Variants in XKR3 observed in about 807,000 individuals in gnomAD.
XKR3 encodes the protein XK-related protein 3.
XKR3 carries 27 observed loss-of-function variants against 40.3 expected under a neutral mutation model. The observed-to-expected ratio is 0.67, with a 90% confidence interval of 0.49 to 0.92. The LOEUF (loss-of-function observed/expected upper bound fraction) is 0.92. Among genes scored for constraint, XKR3 ranks in the 40% least tolerant of loss-of-function variants. The probability of loss-of-function intolerance (pLI) is 0.00; values close to 1 mark genes in which losing one functional copy is unlikely to be tolerated. For missense variants in XKR3, 472 were observed against 537.6 expected, an observed-to-expected ratio of 0.88 and a Z score of 1.21; for synonymous variants, 193 against 195.4, an observed-to-expected ratio of 0.99 and a Z score of 0.10.
chr22:16,824,245 C>A (rs911890204), intron 1 of XKR3, among the ~76,000 whole-genome samples: 1 of 151,934 alleles, frequency 6.6e-6, no homozygotes, highest in African/African-American at 2.4e-5. Flanking sequence ...CTACGAGGAA[C>A]GGGCATGTAA....
At chr22:16,809,541 G>A (rs1356205051) in intron 1 of XKR3, among the ~76,000 whole-genome samples, 1 of 152,018 alleles carries the variant, frequency 6.6e-6, no homozygotes. Context: ...TCCCACAACA[G>A]TGAAGTCACA....
chr22:16,820,909 C>T (rs1195379421), intron 1 of XKR3, among the ~76,000 whole-genome samples: 1 of 152,102 alleles, frequency 6.6e-6, no homozygotes, highest in Non-Finnish European at 1.5e-5. Flanking sequence ...AGTTATAACT[C>T]CTTCATGAAT....
chr22:16,804,295 CT>C (rs1362625744), intron 2 of XKR3, among the ~76,000 whole-genome samples: 1 of 152,136 alleles, frequency 6.6e-6, no homozygotes, highest in African/African-American at 2.4e-5. Context: ...ACCATAAATT[CT>C]CATCAGATGG....
intron 2 of XKR3, among the ~76,000 whole-genome samples, chr22:16,805,198 CA>C (rs538635354): frequency 1.3e-5 from 2 of 151,868 alleles, no homozygotes; most frequent in Admixed American, 1.3e-4. Flanking sequence ...GGAATCCACA[CA>C]AAAAAACATT....
At chr22:16,803,158 C>T (rs1320739114) in intron 2 of XKR3, among the ~76,000 whole-genome samples, 1 of 151,940 alleles carries the variant, frequency 6.6e-6, no homozygotes, top group Admixed American at 6.6e-5. Flanking sequence ...CATAAATTAC[C>T]TTTCCACTTT....
chr22:16,817,881 C>T (rs2060240247), intron 1 of XKR3, among the ~76,000 whole-genome samples: 1 of 152,040 alleles, frequency 6.6e-6, no homozygotes, highest in Non-Finnish European at 1.5e-5. Context: ...TGTTACTTAA[C>T]AAATAAAACC....
chr22:16,784,635 A>G (rs1245130092), intron 3 of XKR3, among the ~76,000 whole-genome samples: 12 of 152,262 alleles, frequency 7.9e-5, no homozygotes, highest in Admixed American at 7.8e-4. Flanking sequence ...ATAAGCAAAT[A>G]CATACATATC....
In XKR3 at chr22:16,825,326, G is replaced by A. The variant is rs966653124; in HGVS notation, c.-46C>T. ...TGCCACCCTCACAGTTTTGAAACTC[G>A]TTCAAAAAGTAAATGCTTTTGTTCA... On this transcript the variant is annotated 5_prime_UTR_variant, in exon 1 of 4. The change creates a new upstream start codon in the 5' untranslated region. Coordinates refer to ENST00000684488, the MANE Select transcript of XKR3 (RefSeq NM_001386955.1). Among the ~76,000 whole-genome samples the A allele has an allele frequency of 6.6e-6, 1 of 152,146 alleles. No individual in the cohort carries two copies. Among genetic ancestry groups the A allele is most frequent in the Admixed American group, 6.5e-5 (1 of 15,274 alleles).
chr22:16,814,864 T>G (rs2060226826), intron 1 of XKR3, among the ~76,000 whole-genome samples: 1 of 152,100 alleles, frequency 6.6e-6, no homozygotes, highest in African/African-American at 2.4e-5. Flanking sequence ...ATCAGAATTT[T>G]TTGTATACAA....
Position 16,783,917 on chromosome 22 carries a change from AC to A in XKR3, c.1081del (p.Val361TyrfsTer11). On this transcript the variant is annotated frameshift_variant, in exon 4 of 4. Transcript: ENST00000684488. LOFTEE classifies it high-confidence loss of function. Reference sequence around the variant, plus strand: ...AGTTTTCCCTCCAAAGAACCTAAATACCAATATCATTATCACATTTTCTAAA... The same window carrying A: ...AGTTTTCCCTCCAAAGAACCTAAATACAATATCATTATCACATTTTCTAAA... ...QFLENVIMIL[V>X]FRFFGGKTLL... 6.2e-7 allele frequency: 1 copy of A among 1,614,190 alleles called. No individual in the cohort carries two copies. The highest frequency in any genetic ancestry group is 8.5e-7 in the Non-Finnish European group (1 of 1,180,042).
In XKR3 at chr22:16,783,551, T is replaced by G; in HGVS notation, c.*68A>C. On this transcript the variant is annotated 3_prime_UTR_variant, in exon 4 of 4. Coordinates refer to ENST00000684488, the MANE Select transcript of XKR3 (RefSeq NM_001386955.1). ...TTTTGCTGTGTATATTTTTTAAATT[T>G]AAGAGCCTCTTAACAAGTCACATTC... 7.8e-7 allele frequency: 1 copy of G among 1,278,350 alleles called. No homozygotes were observed. The highest frequency in any genetic ancestry group is 1.0e-6 in the Non-Finnish European group (1 of 958,724). 79.2% of individuals were successfully genotyped at this position (1,278,350 alleles called of 1,614,324 possible).
rs1569034043 is a variant in XKR3 at position 16,784,079 on chromosome 22, A to G, written c.920T>C (p.Leu307Pro). 6.2e-7 allele frequency: 1 copy of G among 1,614,202 alleles called. No homozygotes were observed. Among genetic ancestry groups the G allele is most frequent in the Non-Finnish European group, 8.5e-7 (1 of 1,180,048 alleles). ...AGCATATAGCAGTGTGATCAAGAAA[A>G]GCATCAGTACTGTACCCACCATATT... is the stretch of plus-strand genomic sequence containing the variant. Reference protein sequence around the residue: ...NSNMVGTVLMLFLITLLYAAI... With the variant: ...NSNMVGTVLMPFLITLLYAAI... The change falls in exon 4 of 4, where the codon CTT (leucine) becomes CCT (proline). Residue 307 changes from leucine (L) to proline (P), a missense_variant. Physicochemically the swap from Leu to Pro is moderately conservative, Grantham distance 98 (BLOSUM62 -3). Coordinates refer to ENST00000684488, the MANE Select transcript of XKR3 (RefSeq NM_001386955.1).
chr22:16,824,772 G>A (rs1425349255), intron 1 of XKR3, among the ~76,000 whole-genome samples: 1 of 152,098 alleles, frequency 6.6e-6, no homozygotes. Context: ...CTCACAGAAG[G>A]ACCTCTATAA....
intron 3 of XKR3, among the ~76,000 whole-genome samples, chr22:16,796,310 A>C (rs1310691300): frequency 3.9e-5 from 6 of 152,310 alleles, no homozygotes; most frequent in African/African-American, 1.4e-4. Flanking sequence ...ATTATAATTC[A>C]AACAAATGGT....
chr22:16,815,722 A>G (rs1320621115), intron 1 of XKR3, among the ~76,000 whole-genome samples: 1 of 152,028 alleles, frequency 6.6e-6, no homozygotes, highest in Non-Finnish European at 1.5e-5. Flanking sequence ...CCTATTAACA[A>G]CTAAATGTCT....
chr22:16,798,630 G>A (rs1230801508), intron 3 of XKR3, among the ~76,000 whole-genome samples: 1 of 152,160 alleles, frequency 6.6e-6, no homozygotes, highest in Non-Finnish European at 1.5e-5. Context: ...TCTTTCGTAT[G>A]GTTGCATAGT....
rs1437851350 is a variant in XKR3, at chr22:16,784,208, C to A, written c.791G>T (p.Ser264Ile). The A allele has an allele frequency of 4.3e-6, 7 of 1,614,062 alleles. No individual in the cohort carries two copies. In the African/African-American group the frequency reaches 5.3e-5, roughly 12 times the overall value. Residue 264 changes from serine (S) to isoleucine (I), a missense_variant, in exon 4 of 4, where the codon AGC (serine) becomes ATC (isoleucine). By Grantham distance (142) the Ser-to-Ile change is moderately radical (BLOSUM62 -2). Transcript: ENST00000684488. Reference protein sequence around the residue: ...AFFIASLKLKSLPVLLIIYFV... With the variant: ...AFFIASLKLKILPVLLIIYFV... ...ATATATGATTAACAAAACGGGTAGG[C>A]TCTTCAGTTTCAGAGATGCAATGAA...
chr22:16,790,976 C>G (rs1313546511), intron 3 of XKR3, among the ~76,000 whole-genome samples: 1 of 151,598 alleles, frequency 6.6e-6, no homozygotes, highest in Non-Finnish European at 1.5e-5. Flanking sequence ...CATTTTACTC[C>G]ATGAACAGTT....
intron 1 of XKR3, among the ~76,000 whole-genome samples, chr22:16,810,377 C>G (rs2060207690): frequency 6.6e-6 from 1 of 152,180 alleles, no homozygotes; most frequent in Non-Finnish European, 1.5e-5. Flanking sequence ...TAATGCTTTT[C>G]TTTTCATTGC....
Sources: allele counts gnomAD v4.1 joint callset (sites outside exome capture counted in the v4.1 genomes callset), GRCh38; gene constraint gnomAD v4.1.1; transcripts MANE v1.5; gene names NCBI Gene and HGNC (gene_info 2026-07-23, HGNC 2026-07-21).